The following LINGO2 variants were observed in gnomAD, a reference collection of about 807,000 sequenced individuals.
The protein encoded by LINGO2 is leucine-rich repeat and immunoglobulin-like domain-containing nogo receptor-interacting protein 2.
LINGO2 carries 14 observed loss-of-function variants against 30.6 expected under a neutral mutation model. The ratio of observed to expected loss-of-function variants is 0.46; its 90% confidence interval spans 0.30 to 0.72. The LOEUF is 0.72. Among genes scored for constraint, LINGO2 ranks in the 30% least tolerant of loss-of-function variants. LINGO2 has a pLI of 0.07. For synonymous variants in LINGO2, 317 were observed against 288.5 expected (o/e 1.10, Z -1.00); for missense variants, 729 against 751.7 (o/e 0.97, Z 0.35).
chr9:28,767,138 T>C, the LINGO2 span, among the ~76,000 whole-genome samples: 1 of 152,192 alleles, frequency 6.6e-6, no homozygotes, highest in African/African-American at 2.4e-5. Flanking sequence ...CTTTCAGTTA[T>C]GTAGGATGAA....
chr9:29,165,676 G>C, the LINGO2 span, among the ~76,000 whole-genome samples: 5 of 152,012 alleles, frequency 3.3e-5, no homozygotes, highest in Non-Finnish European at 7.4e-5. Flanking sequence ...TTGTAAAATG[G>C]ATCTACTCTT....
chr9:28,712,108 G>A, the LINGO2 span, among the ~76,000 whole-genome samples: 1 of 152,086 alleles, frequency 6.6e-6, no homozygotes, highest in African/African-American at 2.4e-5. Flanking sequence ...ATGTAAATAT[G>A]TAAAAGCTAA....
chr9:28,134,924 A>T (rs1436694262), intron 4 of LINGO2, among the ~76,000 whole-genome samples: 1 of 152,224 alleles, frequency 6.6e-6, no homozygotes, highest in African/African-American at 2.4e-5. Flanking sequence ...CAGACGCTCT[A>T]TACAGGAAGA....
At chr9:28,200,894 A>G (rs1820206637) in intron 4 of LINGO2, among the ~76,000 whole-genome samples, 1 of 152,186 alleles carries the variant, frequency 6.6e-6, no homozygotes, top group Non-Finnish European at 1.5e-5. Context: ...ACTCAGGTGA[A>G]TCTACAAAGA....
At chr9:28,583,587 A>G (rs10812848) in intron 1 of LINGO2, among the ~76,000 whole-genome samples, 88,958 of 151,728 alleles carry the variant, frequency 0.59, 26,489 homozygotes, top group East Asian at 0.69. Flanking sequence ...ATTCAAATTG[A>G]AGTTAATAAA....
At chr9:28,679,138 G>A in the LINGO2 span, among the ~76,000 whole-genome samples, 1 of 151,914 alleles carries the variant, frequency 6.6e-6, no homozygotes, top group Non-Finnish European at 1.5e-5. Flanking sequence ...TTCTTGGCGG[G>A]TCATCTCATC....
rs1294953167 is a variant in LINGO2, at chr9:28,229,745, C to T, written c.-87+65463G>A. Among the ~76,000 whole-genome samples the T allele has an allele frequency of 5.3e-5, 8 of 151,790 alleles. No individual in the cohort carries two copies. The East Asian group carries it at 1.5e-3, about 29-fold the overall frequency. On this transcript the variant is annotated intron_variant, in intron 4 of 5. Coordinates refer to ENST00000379992, the Ensembl canonical transcript of LINGO2. ...ATTGGCTTTCAGTTCTTTTATCAAT[C>T]AATTAGAAACAGAGAAATAAGGTCA...
At chr9:28,407,953 T>A (rs1822581305) in intron 2 of LINGO2, among the ~76,000 whole-genome samples, 1 of 151,916 alleles carries the variant, frequency 6.6e-6, no homozygotes, top group Non-Finnish European at 1.5e-5. Context: ...GAAAGCCCAG[T>A]CCTTGACTGG....
chr9:28,622,062 A>G (rs530864965), intron 1 of LINGO2, among the ~76,000 whole-genome samples: 1 of 152,180 alleles, frequency 6.6e-6, no homozygotes, highest in African/African-American at 2.4e-5. Flanking sequence ...GCATATATGT[A>G]TGGGGTACAT....
intron 4 of LINGO2, among the ~76,000 whole-genome samples, chr9:28,102,601 TA>T (rs5897271): frequency 0.14 from 21,400 of 149,856 alleles, 2,378 homozygotes; most frequent in African/African-American, 0.32. Context: ...AAGGGGTTAT[TA>T]AAAAAAAAAT....
At chr9:28,052,438 GAGAGCACA>G (rs2133067672) in intron 4 of LINGO2, among the ~76,000 whole-genome samples, 1 of 152,178 alleles carries the variant, frequency 6.6e-6, no homozygotes, top group South Asian at 2.1e-4. Context: ...CAAGAAGCTA[GAGAGCACA>G]TTTCTGGGAC....
the LINGO2 span, among the ~76,000 whole-genome samples, chr9:28,683,346 C>T: frequency 6.6e-6 from 1 of 152,044 alleles, no homozygotes; most frequent in Non-Finnish European, 1.5e-5. Context: ...GAACTCCATA[C>T]CAATATCTAC....
At chr9:28,428,971 T>G (rs902003995) in intron 2 of LINGO2, among the ~76,000 whole-genome samples, 1 of 152,218 alleles carries the variant, frequency 6.6e-6, no homozygotes, top group African/African-American at 2.4e-5. Context: ...TAAGTGAACA[T>G]GATTCTTTAT....
intron 4 of LINGO2, among the ~76,000 whole-genome samples, chr9:28,173,215 CAATT>C (rs1428746109): frequency 2.0e-5 from 3 of 152,196 alleles, no homozygotes; most frequent in Non-Finnish European, 4.4e-5. Context: ...TAAACAACAA[CAATT>C]AAGCATCCAA....
At chr9:29,094,439 A>T in the LINGO2 span, among the ~76,000 whole-genome samples, 4 of 139,376 alleles carry the variant, frequency 2.9e-5, 1 homozygote, top group Non-Finnish European at 4.7e-5. Flanking sequence ...ATTGGAAATA[A>T]CAGCATAAAC....
rs149884116 is a variant in LINGO2 at position 28,246,158 on chromosome 9, G to T, written c.-87+49050C>A. Among the ~76,000 whole-genome samples the T allele has an allele frequency of 4.4e-3, 663 of 152,178 alleles. 6 individuals are homozygous for T. Among genetic ancestry groups the T allele is most frequent in the African/African-American group, 0.015 (632 of 41,534 alleles). On this transcript the variant is annotated intron_variant, in intron 4 of 5. Coordinates refer to ENST00000379992, the Ensembl canonical transcript of LINGO2. ...ATAAGACCACATGCCAGGCACGGTG[G>T]CTCATGCCTGTAATCCCAGCACTTT... is the stretch of plus-strand genomic sequence containing the variant.
At chr9:28,882,950 T>C in the LINGO2 span, among the ~76,000 whole-genome samples, 40 of 152,356 alleles carry the variant, frequency 2.6e-4, no homozygotes, top group African/African-American at 7.7e-4. Flanking sequence ...CTCCCTCTGA[T>C]ACATTATTTA....
At chr9:28,741,372 C>G in the LINGO2 span, among the ~76,000 whole-genome samples, 1 of 152,042 alleles carries the variant, frequency 6.6e-6, no homozygotes, top group Admixed American at 6.6e-5. Flanking sequence ...TGGCCTAGAA[C>G]CCTGGGCCAT....
chr9:27,981,844 C>A (rs1219488991), intron 5 of LINGO2, among the ~76,000 whole-genome samples: 2 of 151,768 alleles, frequency 1.3e-5, no homozygotes, highest in Non-Finnish European at 2.9e-5. Context: ...TTTCTACTCC[C>A]TGACTATTTG....
Sources: gnomAD v4.1 joint callset for allele counts (sites outside exome capture counted in the v4.1 genomes callset) on GRCh38, gnomAD v4.1.1 for gene constraint, MANE v1.5 for transcripts, NCBI Gene and HGNC (gene_info 2026-07-23, HGNC 2026-07-21) for gene names.